EHHADH: variants seen among roughly 807,000 people sequenced by gnomAD.
The protein encoded by EHHADH is peroxisomal bifunctional enzyme.
EHHADH carries 48 observed loss-of-function variants against 64.4 expected under a neutral mutation model. That is an observed-to-expected ratio of 0.75 (90% CI 0.59 to 0.95). The LOEUF is 0.95. EHHADH is among the 40% of genes least tolerant of loss of function. EHHADH has a pLI of 0.00. For missense variants in EHHADH, 854 were observed against 876.6 expected (o/e 0.97, Z 0.33); for synonymous variants, 308 against 326.7 (o/e 0.94, Z 0.62).
At chr3:185,231,969 A>T (rs1719146335) in intron 3 of EHHADH, among the ~76,000 whole-genome samples, 1 of 147,880 alleles carries the variant, frequency 6.8e-6, no homozygotes, top group Admixed American at 6.8e-5. Flanking sequence ...CCAAAAGGCT[A>T]TTTTTTTTTT....
chr3:185,206,322 A>C (rs1718390384), intron 5 of EHHADH, among the ~76,000 whole-genome samples: 1 of 152,136 alleles, frequency 6.6e-6, no homozygotes, highest in Non-Finnish European at 1.5e-5. Context: ...CTAGCACCAT[A>C]TATAAAAATC....
chr3:185,193,502 C>A lies in EHHADH; in HGVS notation c.911-15G>T. The A allele has an allele frequency of 6.2e-7, 1 of 1,608,226 alleles. No homozygotes were observed. Among genetic ancestry groups the A allele is most frequent in the South Asian group, 1.1e-5 (1 of 89,758 alleles). ...TGTTCCCAAGCCTGCAGATAAAAAT[C>A]AAAGGAGAAAAAGAATGATTCAGTG... On this transcript the variant is annotated splice_polypyrimidine_tract_variant and intron_variant, in intron 6 of 6. Coordinates refer to ENST00000231887, the MANE Select transcript of EHHADH (RefSeq NM_001966.4).
intron 5 of EHHADH, among the ~76,000 whole-genome samples, chr3:185,206,906 C>A (rs1042946776): frequency 2.1e-5 from 3 of 141,868 alleles, no homozygotes; most frequent in Non-Finnish European, 3.0e-5. Flanking sequence ...CAGAATAACA[C>A]CCCCCCCACC....
At chr3:185,247,162 A>T (rs1719617215) in intron 2 of EHHADH, among the ~76,000 whole-genome samples, 1 of 152,188 alleles carries the variant, frequency 6.6e-6, no homozygotes, top group South Asian at 2.1e-4. Flanking sequence ...TTCCAGATGT[A>T]TTTCAGAAGA....
At chr3:185,200,097 A>G (rs1032510426) in intron 6 of EHHADH, among the ~76,000 whole-genome samples, 1 of 152,240 alleles carries the variant, frequency 6.6e-6, no homozygotes, top group African/African-American at 2.4e-5. Context: ...AATAAGCATT[A>G]AATAAACACT....
At chr3:185,249,055 T>C (rs1267941431) in intron 1 of EHHADH, among the ~76,000 whole-genome samples, 8 of 152,202 alleles carry the variant, frequency 5.3e-5, no homozygotes, top group Admixed American at 5.2e-4. Flanking sequence ...GTGAGTTACC[T>C]CAAATATCCA....
At chr3:185,214,697 A>C (rs1979996) in intron 5 of EHHADH, among the ~76,000 whole-genome samples, 99,723 of 152,088 alleles carry the variant, frequency 0.66, 34,876 homozygotes, top group Non-Finnish European at 0.79. Flanking sequence ...TTTTCTTCTT[A>C]ATACTATATG....
intron 6 of EHHADH, among the ~76,000 whole-genome samples, chr3:185,201,484 T>A (rs535495640): frequency 1.3e-4 from 20 of 152,206 alleles, no homozygotes; most frequent in Non-Finnish European, 2.9e-5. Flanking sequence ...GCGGCAGCAT[T>A]CCCTGGAGAG....
At chr3:185,210,613 C>T (rs1344830839) in intron 5 of EHHADH, among the ~76,000 whole-genome samples, 6 of 140,346 alleles carry the variant, frequency 4.3e-5, no homozygotes, top group African/African-American at 1.1e-4. Context: ...CCAGCCTGGG[C>T]GACAGAGTGA....
At chr3:185,233,579 T>C (rs775021495) in intron 3 of EHHADH, among the ~76,000 whole-genome samples, 19 of 152,290 alleles carry the variant, frequency 1.2e-4, no homozygotes, top group Non-Finnish European at 1.8e-4. Context: ...TATTTAATTA[T>C]GGGTTAAATA....
chr3:185,230,626 C>CA (rs1719126133), intron 3 of EHHADH, among the ~76,000 whole-genome samples: 1 of 140,600 alleles, frequency 7.1e-6, no homozygotes, highest in African/African-American at 2.7e-5. Flanking sequence ...ACATGCTAAA[C>CA]AAAAAAAGCC....
At chr3:185,239,588 T>C (rs1719392832) in intron 2 of EHHADH, among the ~76,000 whole-genome samples, 1 of 152,098 alleles carries the variant, frequency 6.6e-6, no homozygotes, top group Non-Finnish European at 1.5e-5. Flanking sequence ...AGCTTGAACG[T>C]TATTGGTGTA....
intron 5 of EHHADH, among the ~76,000 whole-genome samples, chr3:185,217,435 A>G (rs1718709687): frequency 6.6e-6 from 1 of 150,550 alleles, no homozygotes; most frequent in African/African-American, 2.4e-5. Context: ...ATTCCCAGCT[A>G]CTTGGGCTGC....
At chr3:185,244,233 T>C (rs927139968) in intron 2 of EHHADH, among the ~76,000 whole-genome samples, 1 of 152,200 alleles carries the variant, frequency 6.6e-6, no homozygotes, top group Non-Finnish European at 1.5e-5. Flanking sequence ...TTTGTGGGTG[T>C]TTTTACCAAA....
rs1182574610 is a variant in EHHADH at position 185,204,680 on chromosome 3, C to G, written c.646G>C (p.Ala216Pro). 6.2e-7 allele frequency: 1 copy of G among 1,614,198 alleles called. No individual in the cohort carries two copies. Among genetic ancestry groups the G allele is most frequent in the Admixed American group, 1.7e-5 (1 of 60,022 alleles). Residue 216 changes from alanine to proline, a missense_variant, in exon 6 of 7, where the codon GCC (alanine) becomes CCC (proline). Coordinates refer to ENST00000231887, the MANE Select transcript of EHHADH (RefSeq NM_001966.4). ...TGCTGCCTCCGCATCTTCAAGAGGG[C>G]CTCACTAAAAATGCTGTCCATGTTG... Reference protein sequence around the residue: ...LPNMDSIFSEALLKMRRQHPG... With the variant: ...LPNMDSIFSEPLLKMRRQHPG...
Position 185,192,632 on chromosome 3 carries a change from A to C in EHHADH, c.1766T>G (p.Ile589Ser). The C allele has an allele frequency of 6.2e-7, 1 of 1,614,172 alleles. No individual in the cohort carries two copies. Among genetic ancestry groups the C allele is most frequent in the Non-Finnish European group, 8.5e-7 (1 of 1,180,042 alleles). The stretch of plus-strand genomic sequence containing the variant: ...GGAAAGCCAGGGATCAGGTTTGTGA[A>C]TCCTACCCAATGGCTTGTCATATTG... The part of the protein sequence containing the change: ...WYQYDKPLGR[I>S]HKPDPWLSKF... Residue 589 changes from isoleucine (I) to serine (S), a missense_variant, in exon 7 of 7, where the codon ATT becomes AGT. Transcript: ENST00000231887.
At chr3:185,225,630 C>A (rs1274703246) in intron 4 of EHHADH, among the ~76,000 whole-genome samples, 2 of 152,148 alleles carry the variant, frequency 1.3e-5, no homozygotes, top group Non-Finnish European at 2.9e-5. Flanking sequence ...TGCCTTTCTT[C>A]CTCATTCACA....
intron 4 of EHHADH, among the ~76,000 whole-genome samples, chr3:185,219,634 T>A (rs1718783502): frequency 6.6e-6 from 1 of 152,166 alleles, no homozygotes; most frequent in Admixed American, 6.5e-5. Flanking sequence ...GACATCAGCA[T>A]CCCCTACCCC....
intron 5 of EHHADH, among the ~76,000 whole-genome samples, chr3:185,217,187 C>T (rs888882421): frequency 4.6e-5 from 7 of 152,188 alleles, no homozygotes; most frequent in South Asian, 2.1e-4. Context: ...CCCTCAGGAA[C>T]GGTTTAGTAC....
Sources: allele counts gnomAD v4.1 joint callset (sites outside exome capture counted in the v4.1 genomes callset), GRCh38; gene constraint gnomAD v4.1.1; transcripts MANE v1.5; gene names NCBI Gene and HGNC (gene_info 2026-07-23, HGNC 2026-07-21).